Variants in FAM168A observed in about 807,000 individuals in gnomAD.
FAM168A encodes protein FAM168A.
FAM168A carries 3 observed loss-of-function variants against 28.5 expected under a neutral mutation model. That is an observed-to-expected ratio of 0.11 (90% CI 0.05 to 0.27). The LOEUF is 0.27. FAM168A is among the 10% of genes least tolerant of loss of function. The pLI is 1.00. For missense variants in FAM168A, 222 were observed against 311.5 expected, an observed-to-expected ratio of 0.71 and a Z score of 2.16; for synonymous variants, 122 against 124.2, an observed-to-expected ratio of 0.98 and a Z score of 0.12.
chr11:73,487,536 C>T (rs1443944955), intron 1 of FAM168A, among the ~76,000 whole-genome samples: 1 of 152,102 alleles, frequency 6.6e-6, no homozygotes, highest in African/African-American at 2.4e-5. Flanking sequence ...AGCTCACTGT[C>T]ATTCTCTCTA....
At chr11:73,447,128 C>T (rs1248725007) in intron 2 of FAM168A, among the ~76,000 whole-genome samples, 1 of 152,144 alleles carries the variant, frequency 6.6e-6, no homozygotes, top group African/African-American at 2.4e-5. Context: ...TTCTCTTGTT[C>T]ACTTCACCTC....
intron 2 of FAM168A, among the ~76,000 whole-genome samples, chr11:73,458,704 G>A (rs761711153): frequency 1.3e-4 from 20 of 152,070 alleles, no homozygotes; most frequent in Admixed American, 5.2e-4. Context: ...TCCGCCTCCC[G>A]GATTGAAGTG....
At chr11:73,442,283 G>A (rs770971216) in intron 2 of FAM168A, among the ~76,000 whole-genome samples, 4 of 151,900 alleles carry the variant, frequency 2.6e-5, no homozygotes, top group Non-Finnish European at 4.4e-5. Flanking sequence ...CCGCCACCAC[G>A]CACGGCTAAT....
rs115235073 is a variant in FAM168A at position 73,539,709 on chromosome 11, T to A, written c.-19+58214A>T. Among the ~76,000 whole-genome samples, 1,327 of 152,372 alleles carry A rather than the reference T, an allele frequency of 8.7e-3. 20 individuals carry two copies. Among genetic ancestry groups the A allele is most frequent in the African/African-American group, 0.03 (1,242 of 41,598 alleles). ...AGTGCAGTTCACCATCTGTGCTAGA[T>A]GCTTCATTAAGTGTAAAGCTGATAC... On this transcript the variant is annotated intron_variant, in intron 1 of 7. Transcript: ENST00000356467.
At chr11:73,554,212 A>C (rs1943862125) in intron 1 of FAM168A, among the ~76,000 whole-genome samples, 1 of 151,890 alleles carries the variant, frequency 6.6e-6, no homozygotes, top group African/African-American at 2.4e-5. Context: ...CCATCTCCAC[A>C]AAAAACAAAA....
intron 1 of FAM168A, among the ~76,000 whole-genome samples, chr11:73,519,399 T>G (rs1298367365): frequency 6.6e-6 from 1 of 152,220 alleles, no homozygotes; most frequent in Non-Finnish European, 1.5e-5. Context: ...AATGCAATTA[T>G]GCATTACTCA....
At chr11:73,523,540 A>C (rs1347469792) in intron 1 of FAM168A, among the ~76,000 whole-genome samples, 1 of 152,156 alleles carries the variant, frequency 6.6e-6, no homozygotes, top group Non-Finnish European at 1.5e-5. Flanking sequence ...AAAAAGCAGC[A>C]ATCCCCTATC....
At chr11:73,428,624 C>G (rs1168822107) in intron 3 of FAM168A, among the ~76,000 whole-genome samples, 1 of 152,202 alleles carries the variant, frequency 6.6e-6, no homozygotes, top group Non-Finnish European at 1.5e-5. Flanking sequence ...ATTTATATAT[C>G]ATGATACACA....
chr11:73,559,990 G>T (rs1210349925), intron 1 of FAM168A, among the ~76,000 whole-genome samples: 1 of 152,140 alleles, frequency 6.6e-6, no homozygotes, highest in African/African-American at 2.4e-5. Context: ...TACCACTACT[G>T]CAGCATTAAA....
rs1867767089 is a variant in FAM168A at position 73,468,343 on chromosome 11, G to A, written c.70+62C>T. The A allele has an allele frequency of 4.0e-6, 6 of 1,509,930 alleles. No individual in the cohort carries two copies. In the Admixed American group the frequency reaches 1.0e-4, roughly 26 times the overall value. The allele number at this position is 1,509,930 out of a possible 1,614,324, so 93.5% of individuals were successfully genotyped here. ...AGGTATACGTTAGGAGGAGGAGCAA[G>A]TTATTTGGTAATATCCTTAACCACC... On this transcript the variant is annotated intron_variant, in intron 2 of 7. Coordinates refer to ENST00000356467, the MANE Select transcript of FAM168A (RefSeq NM_015159.3).
intron 1 of FAM168A, among the ~76,000 whole-genome samples, chr11:73,567,626 G>A (rs1453021417): frequency 6.6e-6 from 1 of 152,108 alleles, no homozygotes; most frequent in Non-Finnish European, 1.5e-5. Flanking sequence ...ATGCAACCGA[G>A]TTGGAAACTA....
intron 1 of FAM168A, among the ~76,000 whole-genome samples, chr11:73,522,092 G>A (rs1172748338): frequency 1.3e-5 from 2 of 151,904 alleles, no homozygotes; most frequent in Non-Finnish European, 2.9e-5. Flanking sequence ...CTAAACTCTG[G>A]CTGTGACTTC....
chr11:73,457,976 C>T (rs937043918), intron 2 of FAM168A, among the ~76,000 whole-genome samples: 16 of 152,078 alleles, frequency 1.1e-4, no homozygotes, highest in Admixed American at 4.6e-4. Flanking sequence ...TTGGGGACTA[C>T]GTTTGTAAAG....
intron 2 of FAM168A, among the ~76,000 whole-genome samples, chr11:73,453,665 C>T (rs529350177): frequency 6.6e-6 from 1 of 152,134 alleles, no homozygotes; most frequent in African/African-American, 2.4e-5. Flanking sequence ...GAAACTGAGG[C>T]CATTGGAAGT....
At chr11:73,563,167 T>C (rs1456284329) in intron 1 of FAM168A, among the ~76,000 whole-genome samples, 2 of 152,242 alleles carry the variant, frequency 1.3e-5, no homozygotes, top group Non-Finnish European at 1.5e-5. Flanking sequence ...GGTATTTACT[T>C]GATGTTCACC....
intron 1 of FAM168A, among the ~76,000 whole-genome samples, chr11:73,592,893 C>G (rs888851071): frequency 2.0e-5 from 3 of 150,314 alleles, no homozygotes; most frequent in African/African-American, 7.3e-5. Flanking sequence ...AAAAGTGTTA[C>G]TGGGTAATAG....
chr11:73,465,830 C>G (rs1867726004), intron 2 of FAM168A, among the ~76,000 whole-genome samples: 1 of 152,148 alleles, frequency 6.6e-6, no homozygotes, highest in African/African-American at 2.4e-5. Flanking sequence ...TCTAAATTCA[C>G]TCTGCCAAAA....
intron 2 of FAM168A, among the ~76,000 whole-genome samples, chr11:73,450,421 G>T (rs1457268033): frequency 6.6e-6 from 1 of 152,202 alleles, no homozygotes; most frequent in African/African-American, 2.4e-5. Flanking sequence ...GATTCTGTAA[G>T]TCTGAAGCTG....
rs1434162485 is a variant in FAM168A, at chr11:73,555,568, C to T, written c.-19+42355G>A. On this transcript the variant is annotated intron_variant, in intron 1 of 7. Coordinates refer to ENST00000356467, the MANE Select transcript of FAM168A (RefSeq NM_015159.3). The stretch of plus-strand genomic sequence containing the variant: ...AAAAATATAAAACAAATTAACTGGG[C>T]GTGGTCATGGGCGCCTGTAAAACCA... Among the ~76,000 whole-genome samples the T allele has an allele frequency of 2.0e-5, 3 of 151,696 alleles. No individual in the cohort carries two copies. In the East Asian group the frequency reaches 5.8e-4, roughly 29 times the overall value.
Sources: gnomAD v4.1 joint callset for allele counts (sites outside exome capture counted in the v4.1 genomes callset) on GRCh38, gnomAD v4.1.1 for gene constraint, MANE v1.5 for transcripts, NCBI Gene and HGNC (gene_info 2026-07-23, HGNC 2026-07-21) for gene names.